Variants in PIK3C2A observed in about 807,000 individuals in gnomAD.
PIK3C2A encodes phosphatidylinositol-4-phosphate 3-kinase catalytic subunit type 2 alpha.
PIK3C2A carries 97 observed loss-of-function variants against 204.5 expected under a neutral mutation model. The ratio of observed to expected loss-of-function variants is 0.47; its 90% CI spans 0.40 to 0.56. The LOEUF is 0.56. Among genes scored for constraint, PIK3C2A ranks in the 20% least tolerant of loss-of-function variants. PIK3C2A has a pLI of 0.00. For missense variants in PIK3C2A, 1,735 were observed against 1,969.2 expected, an observed-to-expected ratio of 0.88 and a Z score of 2.25; for synonymous variants, 653 against 664.4, an observed-to-expected ratio of 0.98 and a Z score of 0.26.
chr11:17,117,438 A>ATTT, intron 19 of PIK3C2A, 53 bp downstream of exon 19: 1 of 1,283,204 alleles, frequency 7.8e-7, no homozygotes, highest in Non-Finnish European at 1.1e-6. Flanking sequence ...CAGCACCATA[A>ATTT]AGATCCTTCC....
intron 1 of PIK3C2A, among the ~76,000 whole-genome samples, chr11:17,207,271 G>T (rs1339927889): frequency 1.3e-5 from 2 of 152,188 alleles, no homozygotes; most frequent in Non-Finnish European, 2.9e-5. Flanking sequence ...AATACACACT[G>T]AAAGAATAGT....
intron 18 of PIK3C2A, 50 bp from the exon 19 acceptor site, chr11:17,117,721 T>TG (rs1849249506): frequency 1.7e-6 from 2 of 1,198,844 alleles, no homozygotes; most frequent in Non-Finnish European, 2.3e-6. Flanking sequence ...TTTTTTTTTT[T>TG]TTTTTTTTTT....
chr11:17,108,372 G>C (rs1848897928), intron 22 of PIK3C2A, among the ~76,000 whole-genome samples: 1 of 152,312 alleles, frequency 6.6e-6, no homozygotes, highest in South Asian at 2.1e-4. Flanking sequence ...GGGAGGCTGA[G>C]GTGGTAGGAT....
Position 17,155,532 on chromosome 11 carries a change from A to C in PIK3C2A, c.1163T>G (p.Ile388Ser), listed in dbSNP as rs764281013. Residue 388 changes from isoleucine to serine, a missense_variant, in exon 3 of 33, where the codon ATT (isoleucine) becomes AGT (serine). Ile to Ser is a moderately radical substitution (Grantham distance 142). Around this residue, in one of 6 missense-constraint regions of PIK3C2A, gnomAD observed 536 missense variants for 546.7 expected, o/e 0.98. Coordinates refer to ENST00000691414, the MANE Select transcript of PIK3C2A (RefSeq NM_002645.4). ...ATAAAGAAAAATTCCTTACTTTGTAATGGATCGACAAAAAGCTGCCATCTC... is the reference window on the plus strand; with the variant it reads ...ATAAAGAAAAATTCCTTACTTTGTACTGGATCGACAAAAAGCTGCCATCTC... ...NEEMAAFCRS[I>S]TKLKTKFPYT... 1 of 1,572,234 alleles carries C rather than the reference A, an allele frequency of 6.4e-7. No individual in the cohort carries two copies.
intron 1 of PIK3C2A, among the ~76,000 whole-genome samples, chr11:17,188,608 C>T (rs189753936): frequency 6.8e-6 from 1 of 146,734 alleles, no homozygotes; most frequent in East Asian, 1.9e-4. Flanking sequence ...GTCTAATGTG[C>T]TGGAAAAAGA....
chr11:17,146,016 A>G, intron 6 of PIK3C2A, 74 bp from the exon 7 acceptor site: 1 of 1,034,054 alleles, frequency 9.7e-7, no homozygotes, highest in Non-Finnish European at 1.5e-6. Context: ...AATATAGTTA[A>G]GTGTATGATA....
intron 1 of PIK3C2A, among the ~76,000 whole-genome samples, chr11:17,188,994 C>T (rs767532187): frequency 2.0e-5 from 3 of 146,812 alleles, no homozygotes; most frequent in African/African-American, 5.5e-5. Flanking sequence ...TCCTGAGACA[C>T]AGAAAGGCAA....
intron 2 of PIK3C2A, among the ~76,000 whole-genome samples, chr11:17,157,176 T>A (rs1850623124): frequency 6.6e-6 from 1 of 152,224 alleles, no homozygotes; most frequent in Non-Finnish European, 1.5e-5. Context: ...ATGCTTCTAG[T>A]CAACACCAAT....
At chr11:17,203,889 C>T (rs214904) in intron 1 of PIK3C2A, among the ~76,000 whole-genome samples, 69,641 of 151,868 alleles carry the variant, frequency 0.46, 16,654 homozygotes, top group East Asian at 0.81. Context: ...TGGCTAACAC[C>T]GTGAAACCCT....
chr11:17,201,352 C>A (rs1053228840), intron 1 of PIK3C2A, among the ~76,000 whole-genome samples: 24 of 151,522 alleles, frequency 1.6e-4, no homozygotes, highest in African/African-American at 5.3e-4. Context: ...CATGGTGAAA[C>A]CCCATCTCTA....
intron 25 of PIK3C2A, among the ~76,000 whole-genome samples, chr11:17,100,243 T>C (rs903879662): frequency 1.8e-4 from 1 of 5,462 alleles, no homozygotes; most frequent in African/African-American, 7.0e-4. Context: ...GCTCTTTTTT[T>C]GGGGGCGGGG....
In PIK3C2A at chr11:17,089,663, G is replaced by GTC. The variant is rs1848241200; in HGVS notation, c.*74_*75insGA. 2.5e-6 allele frequency: 2 copies of GTC among 815,830 alleles called. No homozygotes were observed. Among genetic ancestry groups the GTC allele is most frequent in the East Asian group, 5.1e-5 (2 of 39,372 alleles). The allele number at this position is 815,830 out of a possible 1,614,324, so 50.5% of individuals were successfully genotyped here. ...ACAAAATTAACAAGTGTGTGTGTGT[G>GTC]TGTCTGTGTGTGTGTGCATGTATGC... On this transcript the variant is annotated 3_prime_UTR_variant, in exon 33 of 33. Coordinates refer to ENST00000691414, the MANE Select transcript of PIK3C2A (RefSeq NM_002645.4).
At chr11:17,115,561 A>C (rs980018189) in intron 19 of PIK3C2A, 4 of 151,752 alleles carry the variant, frequency 2.6e-5, no homozygotes, top group Non-Finnish European at 4.4e-5. Context: ...GAAAAAAAAA[A>C]AAAAAACAAA....
intron 1 of PIK3C2A, among the ~76,000 whole-genome samples, chr11:17,188,022 T>C (rs1162380662): frequency 1.3e-5 from 2 of 152,136 alleles, no homozygotes; most frequent in Non-Finnish European, 2.9e-5. Context: ...TGTTTTAATA[T>C]CTCAAAATAA....
At chr11:17,125,453 A>G (rs1849491507) in intron 13 of PIK3C2A, among the ~76,000 whole-genome samples, 1 of 152,174 alleles carries the variant, frequency 6.6e-6, no homozygotes, top group Admixed American at 6.5e-5. Flanking sequence ...TTATTTCAGC[A>G]TGGGTTGCAA....
intron 11 of PIK3C2A, among the ~76,000 whole-genome samples, chr11:17,133,797 G>A (rs973481634): frequency 6.6e-6 from 1 of 151,798 alleles, no homozygotes; most frequent in Non-Finnish European, 1.5e-5. Flanking sequence ...GCATGGTGGT[G>A]CACACCTGTA....
Position 17,134,918 on chromosome 11 carries a change from GC to G in PIK3C2A, c.2008del (p.Ala670ProfsTer40). ...ANSGRSPTDC[A>X]QSSKSVKEAW... ...TTCCTTGACACTCTTGCTACTTTGGGCACAGTCTGTAGGACTCCTACCAGAA... is the reference window on the plus strand; with the variant it reads ...TTCCTTGACACTCTTGCTACTTTGGGACAGTCTGTAGGACTCCTACCAGAA... On this transcript the variant is annotated frameshift_variant, in exon 11 of 33. Transcript: ENST00000691414. LOFTEE classifies it high-confidence loss of function. 6.2e-7 allele frequency: 1 copy of G among 1,613,968 alleles called. No individual in the cohort carries two copies. Among genetic ancestry groups the G allele is most frequent in the Non-Finnish European group, 8.5e-7 (1 of 1,179,880 alleles).
chr11:17,126,637 C>A (rs1484464609), intron 13 of PIK3C2A, among the ~76,000 whole-genome samples: 1 of 152,082 alleles, frequency 6.6e-6, no homozygotes, highest in Non-Finnish European at 1.5e-5. Context: ...TAATAATAAT[C>A]ATCTCTCTTA....
At chr11:17,200,931 C>T (rs1274147373) in intron 1 of PIK3C2A, among the ~76,000 whole-genome samples, 1 of 152,214 alleles carries the variant, frequency 6.6e-6, no homozygotes, top group South Asian at 2.1e-4. Context: ...TCAAGCCGGG[C>T]ACGGTGGCTC....
Sources: gnomAD v4.1 joint callset for allele counts (sites outside exome capture counted in the v4.1 genomes callset) on GRCh38, gnomAD v4.1.1 for gene constraint, gnomAD v4.1.1 regional missense constraint, MANE v1.5 for transcripts, NCBI Gene and HGNC (gene_info 2026-07-23, HGNC 2026-07-21) for gene names.